Variants in DSG4 observed in about 807,000 individuals in gnomAD.
The protein encoded by DSG4 is desmoglein 4.
In DSG4, 87 loss-of-function variants were observed where a neutral mutation model predicts 93.1. The ratio of observed to expected loss-of-function variants is 0.93; its 90% CI spans 0.79 to 1.12. The LOEUF (loss-of-function observed/expected upper bound fraction) is 1.12, where lower values mean the gene tolerates loss of function less well. DSG4 is among the 50% of genes most tolerant of loss of function. The pLI, the probability that DSG4 is intolerant of heterozygous loss-of-function variation, is 0.00. For missense variants in DSG4, 1,373 were observed against 1,285.7 expected, an observed-to-expected ratio of 1.07 and a Z score of -1.04; for synonymous variants, 432 against 452.9, an observed-to-expected ratio of 0.95 and a Z score of 0.59.
intron 4 of DSG4, 66 bp downstream of exon 4, chr18:31,388,588 T>C: frequency 6.3e-7 from 1 of 1,587,624 alleles, no homozygotes; most frequent in Non-Finnish European, 8.6e-7. Flanking sequence ...AAAAATATTA[T>C]CTTAAGATAA....
At chr18:31,405,090 G>A (rs1324080334) in intron 11 of DSG4, among the ~76,000 whole-genome samples, 1 of 152,134 alleles carries the variant, frequency 6.6e-6, no homozygotes, top group African/African-American at 2.4e-5. Context: ...GGACATAGCT[G>A]GCTTGCCATC....
At chr18:31,402,875 G>T (rs1252875026) in intron 10 of DSG4, among the ~76,000 whole-genome samples, 1 of 152,114 alleles carries the variant, frequency 6.6e-6, no homozygotes, top group Non-Finnish European at 1.5e-5. Flanking sequence ...TTTGTTTTCA[G>T]AAATGCCATT....
At chr18:31,400,614 C>T (rs925653188) in intron 9 of DSG4, among the ~76,000 whole-genome samples, 5 of 151,800 alleles carry the variant, frequency 3.3e-5, no homozygotes, top group African/African-American at 1.2e-4. Flanking sequence ...ATAAATAGAG[C>T]TGAAATAAAC....
At chr18:31,410,549 A>C (rs2072475822) in intron 14 of DSG4, among the ~76,000 whole-genome samples, 1 of 152,052 alleles carries the variant, frequency 6.6e-6, no homozygotes, top group African/African-American at 2.4e-5. Context: ...AAGGCAGTAA[A>C]TGTACTCTAA....
intron 12 of DSG4, 23 bp from the exon 13 acceptor site, chr18:31,409,429 G>T: frequency 6.2e-7 from 1 of 1,613,762 alleles, no homozygotes; most frequent in South Asian, 1.1e-5. Context: ...GTGTTAACTC[G>T]ACATTGTCAC....
At chr18:31,388,337 G>T (rs753567685) in intron 3 of DSG4, 30 bp from the exon 4 acceptor site, 2 of 1,611,224 alleles carry the variant, frequency 1.2e-6, no homozygotes, top group South Asian at 2.2e-5. Context: ...GCTCTAAACT[G>T]GATCACAATC....
intron 1 of DSG4, among the ~76,000 whole-genome samples, chr18:31,378,621 C>T (rs2072102350): frequency 6.6e-6 from 1 of 152,018 alleles, no homozygotes; most frequent in Non-Finnish European, 1.5e-5. Flanking sequence ...TACTTAATTC[C>T]TCCTACTCCT....
intron 14 of DSG4, 34 bp from the exon 15 acceptor site, chr18:31,411,197 C>G (rs1420336164): frequency 2.5e-6 from 4 of 1,614,118 alleles, no homozygotes; most frequent in African/African-American, 1.3e-5. Flanking sequence ...GCAGGCAACT[C>G]CAGCGCTGTT....
At chr18:31,379,775 A>G (rs1291308098) in intron 1 of DSG4, among the ~76,000 whole-genome samples, 1 of 152,218 alleles carries the variant, frequency 6.6e-6, no homozygotes, top group East Asian at 1.9e-4. Context: ...GCACTCAAAT[A>G]TGTTATTCTG....
intron 12 of DSG4, 103 bp from the exon 13 acceptor site, chr18:31,409,349 G>A: frequency 5.8e-6 from 9 of 1,546,556 alleles, no homozygotes; most frequent in Non-Finnish European, 8.0e-6. Flanking sequence ...TTGTATTTTT[G>A]TTCTAAATAT....
In DSG4 at chr18:31,388,867, T is replaced by G; in HGVS notation, c.373-7T>G. Reference sequence around the variant, plus strand: ...GAAAAAGATGGCTTTTTTCCAATTTTCCACAGATCTATTGCCGGGCTCTGA... The same window carrying G: ...GAAAAAGATGGCTTTTTTCCAATTTGCCACAGATCTATTGCCGGGCTCTGA... On this transcript the variant is annotated splice_region_variant and splice_polypyrimidine_tract_variant and intron_variant, in intron 4 of 15. Transcript: ENST00000308128. The G allele has an allele frequency of 6.2e-7, 1 of 1,613,512 alleles. No homozygotes were observed. The highest frequency in any genetic ancestry group is 1.1e-5 in the South Asian group (1 of 91,048).
At chr18:31,408,825 A>G (rs1185469097) in intron 12 of DSG4, among the ~76,000 whole-genome samples, 1 of 152,342 alleles carries the variant, frequency 6.6e-6, no homozygotes, top group Admixed American at 6.5e-5. Context: ...AGCAGTGTCT[A>G]TATTTATGGA....
At chr18:31,382,996 T>C (rs2072151672) in intron 1 of DSG4, among the ~76,000 whole-genome samples, 2 of 152,136 alleles carry the variant, frequency 1.3e-5, no homozygotes, top group South Asian at 4.1e-4. Context: ...TCCTCATCCG[T>C]TTAAACTACA....
rs1568068784 is a variant in DSG4, at chr18:31,401,007, C to T, written c.1404C>T (p.Ile468=). 6.2e-7 allele frequency: 1 copy of T among 1,602,694 alleles called. No homozygotes were observed. The highest frequency in any genetic ancestry group is 2.2e-5 in the East Asian group (1 of 44,624). ...YIINGIYTAE[I]LAIDDGSGKT... Reference sequence around the variant, plus strand: ...TCAATGGGATATACACAGCAGAGATCCTGGCTATAGATGGTAAGAAAATTT... The same window carrying T: ...TCAATGGGATATACACAGCAGAGATTCTGGCTATAGATGGTAAGAAAATTT... Residue 468 remains isoleucine (I), a synonymous_variant, in exon 10 of 16, where the codon ATC becomes ATT. Transcript: ENST00000308128.
intron 11 of DSG4, 26 bp downstream of exon 11, chr18:31,403,660 T>C: frequency 6.2e-7 from 1 of 1,611,770 alleles, no homozygotes; most frequent in African/African-American, 1.3e-5. Context: ...GCTTGTTTTT[T>C]GGACTTTAAG....
At chr18:31,406,009 G>C (rs2072420299) in intron 11 of DSG4, 68 bp from the exon 12 acceptor site, 2 of 1,585,078 alleles carry the variant, frequency 1.3e-6, no homozygotes, top group Non-Finnish European at 1.7e-6. Flanking sequence ...GTATTAGGGA[G>C]AGTTAACCAC....
At chr18:31,397,887 T>C (rs1001567415) in intron 8 of DSG4, among the ~76,000 whole-genome samples, 1 of 151,538 alleles carries the variant, frequency 6.6e-6, no homozygotes, top group African/African-American at 2.4e-5. Flanking sequence ...ATTAGCCCGG[T>C]GTGGTGGCGC....
In DSG4 at chr18:31,377,937, C is replaced by A. The variant is rs80092787; in HGVS notation, c.48+978C>A. 2.2e-3 allele frequency among the ~76,000 whole-genome samples: 337 copies of A among 152,340 alleles called. 1 individual carries two copies. The highest frequency in any genetic ancestry group is 7.4e-3 in the African/African-American group (309 of 41,576). On this transcript the variant is annotated intron_variant, in intron 1 of 15. Coordinates refer to ENST00000308128, the MANE Select transcript of DSG4 (RefSeq NM_177986.5). ...CAAGTGGCAATTATACCAGACTCCT[C>A]TGAACATCAGTTGTAAGAGACAGAG...
At chr18:31,396,606 T>G (rs550959830) in intron 8 of DSG4, among the ~76,000 whole-genome samples, 3 of 152,080 alleles carry the variant, frequency 2.0e-5, no homozygotes, top group Non-Finnish European at 4.4e-5. Flanking sequence ...TCTGCCCACC[T>G]CAGCTTCGCA....
Sources: gnomAD v4.1 joint callset for allele counts (sites outside exome capture counted in the v4.1 genomes callset) on GRCh38, gnomAD v4.1.1 for gene constraint, MANE v1.5 for transcripts, NCBI Gene and HGNC (gene_info 2026-07-23, HGNC 2026-07-21) for gene names.